The following AKAP12 variants were observed in gnomAD, a reference collection of about 807,000 sequenced individuals.
AKAP12 encodes A-kinase anchor protein 12.
A neutral mutation model predicts 79.9 loss-of-function variants in AKAP12; 32 were observed. That is an observed-to-expected ratio of 0.40 (90% confidence interval 0.30 to 0.54). The LOEUF is 0.54. Among genes scored for constraint, AKAP12 ranks in the 20% least tolerant of loss-of-function variants. The pLI is 0.48. For synonymous variants in AKAP12, 808 were observed against 857.0 expected, an observed-to-expected ratio of 0.94 and a Z score of 1.00; for missense variants, 2,074 against 2,177.0, an observed-to-expected ratio of 0.95 and a Z score of 0.94.
intron 2 of AKAP12, among the ~76,000 whole-genome samples, chr6:151,305,427 C>G (rs1251320781): frequency 6.6e-6 from 1 of 152,050 alleles, no homozygotes. Context: ...GCTCAAAGCT[C>G]TGGGAAACAC....
chr6:151,354,780 G>A (rs976348511), intron 4 of AKAP12, among the ~76,000 whole-genome samples: 2 of 152,062 alleles, frequency 1.3e-5, no homozygotes, highest in Admixed American at 6.5e-5. Flanking sequence ...AAAGCAAATC[G>A]CCTGCCTCTG....
At chr6:151,304,808 G>A (rs1385554454) in intron 2 of AKAP12, among the ~76,000 whole-genome samples, 1 of 151,802 alleles carries the variant, frequency 6.6e-6, no homozygotes, top group African/African-American at 2.4e-5. Flanking sequence ...TGAACTCCTC[G>A]TGATCTGCCC....
At chr6:151,284,901 C>G (rs1276015579) in intron 2 of AKAP12, among the ~76,000 whole-genome samples, 1 of 152,134 alleles carries the variant, frequency 6.6e-6, no homozygotes, top group Non-Finnish European at 1.5e-5. Context: ...TTGACTAACG[C>G]ATGGGGACCC....
Position 151,351,533 on chromosome 6 carries a change from GAA to G in AKAP12, c.3146_3147del (p.Lys1049SerfsTer33). 1.2e-6 allele frequency: 2 copies of G among 1,614,152 alleles called. No individual in the cohort carries two copies. Among genetic ancestry groups the G allele is most frequent in the Non-Finnish European group, 1.7e-6 (2 of 1,180,026 alleles). On this transcript the variant is annotated frameshift_variant, in exon 4 of 5. Coordinates refer to ENST00000402676, the MANE Select transcript of AKAP12 (RefSeq NM_005100.4). LOFTEE classifies it low-confidence loss of function (END_TRUNC). This position sits in a 1 kb window ranked among gnomAD's most constrained non-coding sequence, Gnocchi z 4.4. ...RTQEVLQAVA[E>X]KVKEESQLPG... ...TCAAGAGGTCCTCCAGGCAGTGGCA[GAA>G]AAAGTGAAAGAGGAATCCCAGCTGC...
At position 151,350,903 on chromosome 6, in the gene AKAP12, G is replaced by A. The variant is rs1415075188; in HGVS notation, c.2512G>A (p.Glu838Lys). 6.8e-6 allele frequency: 11 copies of A among 1,613,948 alleles called. No individual in the cohort carries two copies. Among genetic ancestry groups the A allele is most frequent in the East Asian group, 2.2e-5 (1 of 44,882 alleles). ...AGACGCAGGGCCAACAGGGGCCAAC[G>A]AAGATGACTCTGATGTCCCGGCCGT... ...VEDAGPTGAN[E>K]DDSDVPAVVP... is the part of the protein sequence containing the mutation. Residue 838 changes from glutamate to lysine, a missense_variant, in exon 4 of 5, where the codon GAA becomes AAA. Transcript: ENST00000402676. The surrounding 1 kb of genome is among the most constrained non-coding windows in gnomAD (Gnocchi z 4.8).
intron 2 of AKAP12, among the ~76,000 whole-genome samples, chr6:151,246,517 C>G (rs997246009): frequency 3.3e-5 from 5 of 152,194 alleles, no homozygotes; most frequent in African/African-American, 1.2e-4. Flanking sequence ...GAGATCAGCA[C>G]TCGTTTTCCC....
chr6:151,351,135 C>G lies in AKAP12; in HGVS notation c.2744C>G (p.Ser915Cys). 2 of 1,614,222 alleles carry G rather than the reference C, an allele frequency of 1.2e-6. No individual in the cohort carries two copies. Among genetic ancestry groups the G allele is most frequent in the Non-Finnish European group, 8.5e-7 (1 of 1,180,046 alleles). Reference sequence around the variant, plus strand: ...GAAGAAAGGTCTCCTTCTTGGATATCTGCTTCAGTGACAGAACCTCTTGAA... The same window carrying G: ...GAAGAAAGGTCTCCTTCTTGGATATGTGCTTCAGTGACAGAACCTCTTGAA... ...IIEERSPSWI[S>C]ASVTEPLEQV... is the part of the protein sequence containing the mutation. The change falls in exon 4 of 5, where the codon TCT becomes TGT. Residue 915 changes from serine to cysteine, a missense_variant. This residue lies in a region of AKAP12 where 1,428 missense variants were observed against 1,451.0 expected (regional missense o/e 0.98). Coordinates refer to ENST00000402676, the MANE Select transcript of AKAP12 (RefSeq NM_005100.4). This position sits in a 1 kb window ranked among gnomAD's most constrained non-coding sequence, Gnocchi z 4.4.
At chr6:151,252,425 A>G (rs919612278) in intron 2 of AKAP12, among the ~76,000 whole-genome samples, 2 of 151,950 alleles carry the variant, frequency 1.3e-5, no homozygotes, top group East Asian at 3.9e-4. Flanking sequence ...CAAAATCCTG[A>G]CCTCAGGTGA....
At chr6:151,262,216 A>G (rs1191991119) in intron 2 of AKAP12, among the ~76,000 whole-genome samples, 1 of 152,132 alleles carries the variant, frequency 6.6e-6, no homozygotes, top group African/African-American at 2.4e-5. Flanking sequence ...CGGCCTCCCA[A>G]AGTGCTGGGA....
chr6:151,352,116 C>T lies in AKAP12; in HGVS notation c.3725C>T (p.Thr1242Ile). 1 of 1,614,128 alleles carries T rather than the reference C, an allele frequency of 6.2e-7. No homozygotes were observed. The highest frequency in any genetic ancestry group is 8.5e-7 in the Non-Finnish European group (1 of 1,180,026). ...ETKEQSKMED[T>I]LEHTDKEVSV... ...AAAGAACAATCAAAGATGGAAGACA[C>T]TCTAGAGCATACAGATAAAGAGGTG... The change falls in exon 4 of 5, where the codon ACT becomes ATT. Residue 1242 changes from threonine to isoleucine, a missense_variant. Physicochemically the swap from Thr to Ile is moderately conservative, Grantham distance 89 (BLOSUM62 -1). This residue lies in a region of AKAP12 where 614 missense variants were observed against 665.6 expected (regional missense o/e 0.92). Coordinates refer to ENST00000402676, the MANE Select transcript of AKAP12 (RefSeq NM_005100.4).
Position 151,324,613 on chromosome 6 carries a change from G to C in AKAP12, c.319+18710G>C. On this transcript the variant is annotated intron_variant, in intron 3 of 4. Transcript: ENST00000402676. ...TCATTCTCTGAAGAGAAGTGCAATA[G>C]TAAAACTTTCCTTTTTGTTTGTGTA... 3 of 985,380 alleles carry C rather than the reference G, an allele frequency of 3.0e-6. No individual in the cohort carries two copies. The African/African-American group carries it at 5.2e-5, about 17-fold the overall frequency. The allele number at this position is 985,380 out of a possible 1,614,324, so 61.0% of individuals were successfully genotyped here.
rs549513627 is a variant in AKAP12, at chr6:151,294,067, A to G, written c.163-11680A>G. Among the ~76,000 whole-genome samples the G allele has an allele frequency of 2.6e-5, 4 of 151,668 alleles. No homozygotes were observed. The East Asian group carries it at 7.8e-4, about 29-fold the overall frequency. On this transcript the variant is annotated intron_variant, in intron 2 of 4. Transcript: ENST00000402676. The stretch of plus-strand genomic sequence containing the variant: ...CGACTCACCGCAACCTCCTCCTCCC[A>G]GGTTCAAGCAATTCTCCTGCCTCAG...
intron 3 of AKAP12, among the ~76,000 whole-genome samples, chr6:151,320,126 T>C (rs1428131365): frequency 6.6e-6 from 1 of 152,124 alleles, no homozygotes; most frequent in African/African-American, 2.4e-5. Flanking sequence ...GAGCCTAATA[T>C]TGGTTTTAAT....
intron 2 of AKAP12, among the ~76,000 whole-genome samples, chr6:151,261,629 A>T (rs1226196215): frequency 6.6e-6 from 1 of 151,466 alleles, no homozygotes; most frequent in Non-Finnish European, 1.5e-5. Flanking sequence ...TGAACCCGGG[A>T]GGTGGAGGTT....
intron 2 of AKAP12, among the ~76,000 whole-genome samples, chr6:151,249,667 C>G (rs1436285475): frequency 6.6e-6 from 1 of 152,190 alleles, no homozygotes; most frequent in South Asian, 2.1e-4. Context: ...ACCTATTGCT[C>G]CAGTACCATT....
chr6:151,319,267 A>C (rs1777306511), intron 3 of AKAP12, among the ~76,000 whole-genome samples: 1 of 152,000 alleles, frequency 6.6e-6, no homozygotes, highest in Non-Finnish European at 1.5e-5. Flanking sequence ...TGTCCAGTTC[A>C]ACTGGACCAT....
Position 151,357,654 on chromosome 6 carries a change from C to G in AKAP12, c.*1940C>G, listed in dbSNP as rs1330301877. On this transcript the variant is annotated 3_prime_UTR_variant, in exon 5 of 5. Coordinates refer to ENST00000402676, the MANE Select transcript of AKAP12 (RefSeq NM_005100.4). ...ATTCTCAAATATATATAATAGCTAC[C>G]CATGCATCATTATTAAAATCCCCAA... The G allele has an allele frequency of 6.6e-6, 1 of 150,912 alleles. No individual in the cohort carries two copies. The highest frequency in any genetic ancestry group is 1.5e-5 in the Non-Finnish European group (1 of 67,888). The allele number at this position is 150,912 out of a possible 1,614,324, so 9.3% of individuals were successfully genotyped here. A position where few individuals can be genotyped will look rare whatever the true frequency, so the allele number is the denominator to read the frequency against.
chr6:151,309,357 C>A (rs771877762), intron 3 of AKAP12, among the ~76,000 whole-genome samples: 5 of 152,172 alleles, frequency 3.3e-5, no homozygotes, highest in Non-Finnish European at 5.9e-5. Flanking sequence ...CCTGGGAGGA[C>A]TGGCCCACAG....
intron 3 of AKAP12, among the ~76,000 whole-genome samples, chr6:151,321,169 T>C (rs1777374650): frequency 6.6e-6 from 1 of 152,160 alleles, no homozygotes; most frequent in Non-Finnish European, 1.5e-5. Context: ...GTATTTTTAA[T>C]AGAGATGGGA....
Sources: gnomAD v4.1 joint callset for allele counts (sites outside exome capture counted in the v4.1 genomes callset) on GRCh38, gnomAD v4.1.1 for gene constraint, gnomAD v4.1.1 regional missense constraint, Gnocchi (gnomAD v3.1) non-coding constraint, MANE v1.5 for transcripts, NCBI Gene and HGNC (gene_info 2026-07-23, HGNC 2026-07-21) for gene names.